Variants in CORO1C observed in about 807,000 individuals in gnomAD.
CORO1C encodes coronin-1C.
In CORO1C, 14 loss-of-function variants were observed where a neutral mutation model predicts 51.2. That is an observed-to-expected ratio of 0.27 (90% CI 0.18 to 0.43). The LOEUF (loss-of-function observed/expected upper bound fraction) is 0.43. Ranked by LOEUF, CORO1C falls within the 20% of genes least tolerant of loss-of-function variation. CORO1C has a pLI of 1.00. For synonymous variants in CORO1C, 181 were observed against 210.5 expected, an observed-to-expected ratio of 0.86 and a Z score of 1.21; for missense variants, 417 against 607.8, an observed-to-expected ratio of 0.69 and a Z score of 3.30.
intron 2 of CORO1C, among the ~76,000 whole-genome samples, chr12:108,689,407 T>C (rs1158432105): frequency 2.0e-5 from 3 of 152,242 alleles, no homozygotes; most frequent in African/African-American, 7.2e-5. Context: ...AATATTCCCC[T>C]TTAAGAAGCT....
intron 3 of CORO1C, among the ~76,000 whole-genome samples, chr12:108,672,313 T>C (rs1184167971): frequency 6.6e-6 from 1 of 152,172 alleles, no homozygotes; most frequent in Non-Finnish European, 1.5e-5. Flanking sequence ...GTCTTGAAAA[T>C]ACAGAATACA....
At chr12:108,693,276 T>C (rs1240407616) in intron 2 of CORO1C, among the ~76,000 whole-genome samples, 2 of 152,138 alleles carry the variant, frequency 1.3e-5, no homozygotes, top group Non-Finnish European at 2.9e-5. Context: ...TCTACAACTG[T>C]AGAACAGAGG....
intron 8 of CORO1C, among the ~76,000 whole-genome samples, chr12:108,650,205 T>TC (rs1258482481): frequency 2.0e-5 from 3 of 148,886 alleles, no homozygotes; most frequent in East Asian, 2.0e-4. Flanking sequence ...TTTTTTTTTT[T>TC]TGGGACTGGG....
rs576276914 is a variant in CORO1C at position 108,647,386 on chromosome 12, G to C, written c.*17C>G. On this transcript the variant is annotated 3_prime_UTR_variant, in exon 11 of 11. Coordinates refer to ENST00000261401, the MANE Select transcript of CORO1C (RefSeq NM_014325.4). Reference sequence around the variant, plus strand: ...GTTCTTGCTCCCATTTTTTCTGTAGGGGTGGGGGTGGGACCTTCAGGCTGC... The same window carrying C: ...GTTCTTGCTCCCATTTTTTCTGTAGCGGTGGGGGTGGGACCTTCAGGCTGC... The C allele has an allele frequency of 6.2e-7, 1 of 1,609,222 alleles. No homozygotes were observed. The highest frequency in any genetic ancestry group is 2.2e-5 in the East Asian group (1 of 44,776).
At chr12:108,720,981 T>C (rs2035462346) in intron 1 of CORO1C, among the ~76,000 whole-genome samples, 1 of 152,090 alleles carries the variant, frequency 6.6e-6, no homozygotes, top group Non-Finnish European at 1.5e-5. Flanking sequence ...CACCAGGCAA[T>C]ATGCTAGGAA....
intron 2 of CORO1C, among the ~76,000 whole-genome samples, chr12:108,697,967 T>C (rs2034742500): frequency 6.6e-6 from 1 of 152,126 alleles, no homozygotes; most frequent in Admixed American, 6.5e-5. Flanking sequence ...CATAGAGAAA[T>C]GTAGGTTTTC....
intron 2 of CORO1C, among the ~76,000 whole-genome samples, chr12:108,691,311 C>T (rs1374174502): frequency 3.9e-5 from 6 of 152,204 alleles, no homozygotes; most frequent in Non-Finnish European, 8.8e-5. Flanking sequence ...AGATATTCAA[C>T]TTGGCAGGAG....
At chr12:108,710,356 C>T (rs970325862) in intron 1 of CORO1C, among the ~76,000 whole-genome samples, 7 of 151,982 alleles carry the variant, frequency 4.6e-5, no homozygotes, top group African/African-American at 1.5e-4. Context: ...TTCTTTTATT[C>T]CTTTACTTTC....
chr12:108,654,241 A>C, intron 7 of CORO1C, 65 bp downstream of exon 7: 3 of 1,059,530 alleles, frequency 2.8e-6, no homozygotes, highest in Non-Finnish European at 4.4e-6. Flanking sequence ...CCGTCCTCTA[A>C]ATCTCTGAAG....
chr12:108,646,589 T>A lies in CORO1C; in HGVS notation c.*814A>T, dbSNP rs1436822306. ...GCTAGTTTGGGTTAGATTATAATCA[T>A]CTGAAGCACAGGATAACCGAGAAGC... On this transcript the variant is annotated 3_prime_UTR_variant, in exon 11 of 11. Transcript: ENST00000261401. 1 of 152,214 alleles carries A rather than the reference T, an allele frequency of 6.6e-6. No individual in the cohort carries two copies. The highest frequency in any genetic ancestry group is 1.5e-5 in the Non-Finnish European group (1 of 68,044). 9.4% of individuals were successfully genotyped at this position (152,214 alleles called of 1,614,324 possible).
chr12:108,677,061 C>T (rs1310864066), intron 3 of CORO1C, among the ~76,000 whole-genome samples: 1 of 152,046 alleles, frequency 6.6e-6, no homozygotes, highest in Non-Finnish European at 1.5e-5. Context: ...TAAAGCTTTC[C>T]AAACAATGTT....
At chr12:108,695,737 A>G (rs762373375) in intron 2 of CORO1C, among the ~76,000 whole-genome samples, 3 of 152,060 alleles carry the variant, frequency 2.0e-5, no homozygotes, top group Non-Finnish European at 4.4e-5. Context: ...GCCTTCATCA[A>G]CCTAGGTTCT....
chr12:108,710,709 G>A (rs2136875722), intron 1 of CORO1C, among the ~76,000 whole-genome samples: 1 of 152,072 alleles, frequency 6.6e-6, no homozygotes, highest in East Asian at 1.9e-4. Context: ...GACAACAGGT[G>A]TGTGCCACCA....
In CORO1C at chr12:108,658,713, G is replaced by A. The variant is rs751644971; in HGVS notation, c.630+25C>T. Reference sequence around the variant, plus strand: ...CACTCACTCAAGTGCTCCAACTACTGAGTTTTCATCCTAGGAATACTCACA... The same window carrying A: ...CACTCACTCAAGTGCTCCAACTACTAAGTTTTCATCCTAGGAATACTCACA... On this transcript the variant is annotated intron_variant, in intron 5 of 10. Transcript: ENST00000261401. The surrounding 1 kb of genome is among the most constrained non-coding windows in gnomAD (Gnocchi z 4.9). 6.3e-7 allele frequency: 1 copy of A among 1,597,608 alleles called. No homozygotes were observed. Among genetic ancestry groups the A allele is most frequent in the South Asian group, 1.1e-5 (1 of 90,686 alleles).
chr12:108,712,418 C>CA (rs1426929765), intron 1 of CORO1C, among the ~76,000 whole-genome samples: 2 of 151,330 alleles, frequency 1.3e-5, no homozygotes, highest in South Asian at 2.1e-4. Context: ...TAGTAAAATA[C>CA]AAAAAATCAG....
At chr12:108,691,326 T>C (rs1386120733) in intron 2 of CORO1C, among the ~76,000 whole-genome samples, 1 of 152,202 alleles carries the variant, frequency 6.6e-6, no homozygotes, top group Non-Finnish European at 1.5e-5. Context: ...CAGGAGCAGA[T>C]GATTTGCTAC....
chr12:108,670,238 T>G (rs1227748113), intron 3 of CORO1C, among the ~76,000 whole-genome samples: 1 of 152,126 alleles, frequency 6.6e-6, no homozygotes, highest in African/African-American at 2.4e-5. Flanking sequence ...CTCGGGTGTG[T>G]GTGGGAAGGG....
intron 2 of CORO1C, among the ~76,000 whole-genome samples, chr12:108,682,959 T>C (rs1433133111): frequency 6.6e-6 from 1 of 152,188 alleles, no homozygotes; most frequent in Non-Finnish European, 1.5e-5. Flanking sequence ...AAGTTAAAAC[T>C]GAGCAATACA....
At chr12:108,693,448 G>C (rs1389997277) in intron 2 of CORO1C, among the ~76,000 whole-genome samples, 1 of 152,192 alleles carries the variant, frequency 6.6e-6, no homozygotes, top group Non-Finnish European at 1.5e-5. Flanking sequence ...TGTTGATCTA[G>C]TTAAAACAAT....
Sources: gnomAD v4.1 joint callset for allele counts (sites outside exome capture counted in the v4.1 genomes callset) on GRCh38, gnomAD v4.1.1 for gene constraint, Gnocchi (gnomAD v3.1) non-coding constraint, MANE v1.5 for transcripts, NCBI Gene and HGNC (gene_info 2026-07-23, HGNC 2026-07-21) for gene names.